UVRAG: variants seen among roughly 807,000 people sequenced by gnomAD.
The protein encoded by UVRAG is UV radiation resistance associated.
Under a neutral mutation model 78.0 loss-of-function variants are expected in UVRAG, and 19 were observed. The ratio of observed to expected loss-of-function variants is 0.24; its 90% confidence interval spans 0.17 to 0.36. UVRAG has a LOEUF of 0.36. Among genes scored for constraint, UVRAG ranks in the 10% least tolerant of loss-of-function variants. The pLI, the probability that UVRAG is intolerant of heterozygous loss-of-function variation, is 1.00. For synonymous variants in UVRAG, 323 were observed against 324.6 expected (o/e 1.00, Z 0.05); for missense variants, 740 against 853.8 (o/e 0.87, Z 1.66).
In UVRAG at chr11:76,016,934, A is replaced by G. The variant is rs1190182460; in HGVS notation, c.1180A>G (p.Thr394Ala). The part of the protein sequence containing the change: ...YPIIHKGSRS[T>A]IKDNINDKLT... Reference sequence around the variant, plus strand: ...TATAATTCATAAGGGGTCTAGATCAACAATCAAAGACAATATCAATGACAA... The same window carrying G: ...TATAATTCATAAGGGGTCTAGATCAGCAATCAAAGACAATATCAATGACAA... The change falls in exon 12 of 15, where the codon ACA becomes GCA. Residue 394 changes from threonine to alanine, a missense_variant. Coordinates refer to ENST00000356136, the MANE Select transcript of UVRAG (RefSeq NM_003369.4). 1.9e-6 allele frequency: 3 copies of G among 1,607,370 alleles called. No individual in the cohort carries two copies. The highest frequency in any genetic ancestry group is 2.6e-6 in the Non-Finnish European group (3 of 1,176,266).
intron 6 of UVRAG, among the ~76,000 whole-genome samples, chr11:75,956,666 T>A (rs1948806277): frequency 6.6e-6 from 1 of 152,220 alleles, no homozygotes; most frequent in South Asian, 2.1e-4. Context: ...TTGCAAGAAC[T>A]GTAGTTACTT....
At chr11:75,824,137 GC>G (rs1945460070) in intron 1 of UVRAG, among the ~76,000 whole-genome samples, 1 of 152,042 alleles carries the variant, frequency 6.6e-6, no homozygotes, top group Non-Finnish European at 1.5e-5. Context: ...GCACTACCAT[GC>G]CGTGTACATT....
intron 7 of UVRAG, among the ~76,000 whole-genome samples, chr11:75,963,741 A>T (rs1450299038): frequency 6.6e-6 from 1 of 151,988 alleles, no homozygotes; most frequent in Non-Finnish European, 1.5e-5. Flanking sequence ...CATTACATCA[A>T]TGCCTAATGT....
intron 10 of UVRAG, among the ~76,000 whole-genome samples, chr11:76,008,032 C>T (rs567849378): frequency 3.3e-5 from 5 of 152,028 alleles, no homozygotes; most frequent in Admixed American, 6.6e-5. Flanking sequence ...CTCAGCCTCC[C>T]GAGTAGCTGG....
chr11:75,976,180 C>T (rs1391046239), intron 7 of UVRAG, among the ~76,000 whole-genome samples: 2 of 152,076 alleles, frequency 1.3e-5, no homozygotes, highest in East Asian at 1.9e-4. Flanking sequence ...TATTGATTTG[C>T]ATATGTTGAA....
rs371118117 is a variant in UVRAG, at chr11:75,902,654, C to T, written c.508-9300C>T. Among the ~76,000 whole-genome samples, 8 of 152,182 alleles carry T rather than the reference C, an allele frequency of 5.3e-5. No individual in the cohort carries two copies. The East Asian group carries it at 1.4e-3, about 26-fold the overall frequency. On this transcript the variant is annotated intron_variant, in intron 5 of 14. Coordinates refer to ENST00000356136, the MANE Select transcript of UVRAG (RefSeq NM_003369.4). Reference sequence around the variant, plus strand: ...ACTATTTTTTCATTTATCCTGGCCTCAAATTTTATAGTTAAGTGTTGATTT... The same window carrying T: ...ACTATTTTTTCATTTATCCTGGCCTTAAATTTTATAGTTAAGTGTTGATTT...
rs1952749911 is a variant in UVRAG at position 76,143,009 on chromosome 11, A to G, written c.*1596A>G. On this transcript the variant is annotated 3_prime_UTR_variant, in exon 15 of 15. Transcript: ENST00000356136. Reference sequence around the variant, plus strand: ...AACTCTCAGGCAGTCGAAAGCTTTAACTGGATCTGCAGAAGCCCATCTTCC... The same window carrying G: ...AACTCTCAGGCAGTCGAAAGCTTTAGCTGGATCTGCAGAAGCCCATCTTCC... 1 of 152,222 alleles carries G rather than the reference A, an allele frequency of 6.6e-6. No individual in the cohort carries two copies. Among genetic ancestry groups the G allele is most frequent in the Non-Finnish European group, 1.5e-5 (1 of 68,042 alleles). The allele number at this position is 152,222 out of a possible 1,614,324, so 9.4% of individuals were successfully genotyped here.
intron 6 of UVRAG, among the ~76,000 whole-genome samples, chr11:75,932,001 G>A (rs1948250432): frequency 6.6e-6 from 1 of 151,794 alleles, no homozygotes; most frequent in Admixed American, 6.6e-5. Context: ...CAAGAATCAA[G>A]GTCCAGTGGT....
rs1945234165 is a variant in UVRAG, at chr11:75,815,334, T to C, written c.-74T>C. 2 of 783,570 alleles carry C rather than the reference T, an allele frequency of 2.6e-6. No individual in the cohort carries two copies. Among genetic ancestry groups the C allele is most frequent in the Non-Finnish European group, 3.5e-6 (2 of 572,852 alleles). The allele number at this position is 783,570 out of a possible 1,614,324, so 48.5% of individuals were successfully genotyped here. ...GGGTTTCTAGGCTGCAGGGGCTTGG[T>C]AGGTGGTGGCAAGGGGGCGGCGGCG... is the stretch of plus-strand genomic sequence containing the variant. On this transcript the variant is annotated 5_prime_UTR_variant, in exon 1 of 15. Coordinates refer to ENST00000356136, the MANE Select transcript of UVRAG (RefSeq NM_003369.4).
In UVRAG at chr11:76,110,207, GGTACATATATATATATATATATAT is replaced by G. The variant is rs1219449190; in HGVS notation, c.1306-5713_1306-5690del. Among the ~76,000 whole-genome samples the G allele has an allele frequency of 1.2e-4, 14 of 121,374 alleles. 1 individual carries two copies. Among genetic ancestry groups the G allele is most frequent in the African/African-American group, 6.7e-4 (13 of 19,304 alleles). 79.6% of individuals were successfully genotyped at this position (121,374 alleles called of 152,430 possible). On this transcript the variant is annotated intron_variant, in intron 13 of 14. Coordinates refer to ENST00000356136, the MANE Select transcript of UVRAG (RefSeq NM_003369.4). ...TAATGTGGAGAATATATATATATCT[GGTACATATATATATATATATATAT>G]GTATTAGTAATGATAACAGGTATTT...
intron 8 of UVRAG, among the ~76,000 whole-genome samples, chr11:75,996,182 G>A (rs1010610514): frequency 1.3e-5 from 2 of 151,344 alleles, no homozygotes; most frequent in African/African-American, 2.4e-5. Flanking sequence ...TGACACAATT[G>A]TATATTGGTT....
intron 14 of UVRAG, among the ~76,000 whole-genome samples, chr11:76,120,875 T>C (rs932022417): frequency 6.6e-6 from 1 of 152,172 alleles, no homozygotes; most frequent in African/African-American, 2.4e-5. Flanking sequence ...CTGTGCTCCT[T>C]AGGGCAAAGG....
chr11:76,120,681 G>C (rs1466254035), intron 14 of UVRAG, among the ~76,000 whole-genome samples: 1 of 152,174 alleles, frequency 6.6e-6, no homozygotes, highest in African/African-American at 2.4e-5. Flanking sequence ...CGTAAAATAG[G>C]CTACTAAAGT....
chr11:76,097,195 G>A (rs1270211015), intron 13 of UVRAG, among the ~76,000 whole-genome samples: 5 of 152,036 alleles, frequency 3.3e-5, no homozygotes, highest in African/African-American at 9.7e-5. Context: ...GTCACACCTC[G>A]TCACTGTCAT....
chr11:76,118,886 G>A (rs1206069524), intron 14 of UVRAG, among the ~76,000 whole-genome samples: 1 of 152,152 alleles, frequency 6.6e-6, no homozygotes, highest in East Asian at 1.9e-4. Context: ...CTCCAGAACA[G>A]TTCATATAAG....
chr11:75,816,671 A>G (rs566384271), intron 1 of UVRAG, among the ~76,000 whole-genome samples: 35 of 152,334 alleles, frequency 2.3e-4, no homozygotes, highest in African/African-American at 8.4e-4. Flanking sequence ...CTCTGCAGCC[A>G]TGCACGTGCT....
chr11:75,815,792 G>GC (rs1254972655), intron 1 of UVRAG, among the ~76,000 whole-genome samples: 2 of 152,104 alleles, frequency 1.3e-5, no homozygotes, highest in Non-Finnish European at 2.9e-5. Flanking sequence ...AGTCCCTGGG[G>GC]CCCCGGCCCG....
In UVRAG at chr11:76,143,612, T is replaced by C. The variant is rs1233536249; in HGVS notation, c.*2199T>C. Among the ~76,000 whole-genome samples the C allele has an allele frequency of 6.6e-6, 1 of 152,236 alleles. No homozygotes were observed. Among genetic ancestry groups the C allele is most frequent in the African/African-American group, 2.4e-5 (1 of 41,468 alleles). Reference sequence around the variant, plus strand: ...CTCAAAACACCACTTAGGTTTGGGTTCGTTTAGTTCGAGTTTGGGGTTTTC... The same window carrying C: ...CTCAAAACACCACTTAGGTTTGGGTCCGTTTAGTTCGAGTTTGGGGTTTTC... On this transcript the variant is annotated 3_prime_UTR_variant, in exon 15 of 15. Transcript: ENST00000356136.
intron 14 of UVRAG, among the ~76,000 whole-genome samples, chr11:76,122,663 A>G (rs1460108840): frequency 6.6e-6 from 1 of 152,188 alleles, no homozygotes; most frequent in African/African-American, 2.4e-5. Context: ...TAGGTATAGA[A>G]TATGGCTCTT....
Sources: gnomAD v4.1 joint callset for allele counts (sites outside exome capture counted in the v4.1 genomes callset) on GRCh38, gnomAD v4.1.1 for gene constraint, MANE v1.5 for transcripts, NCBI Gene and HGNC (gene_info 2026-07-23, HGNC 2026-07-21) for gene names.